The following B3GALT1 variants were observed in gnomAD, a reference collection of about 807,000 sequenced individuals.
B3GALT1 encodes the protein UDP-Gal:betaGlcNAc beta 1,3-galactosyltransferase, polypeptide 1.
B3GALT1 carries 10 observed loss-of-function variants against 23.2 expected under a neutral mutation model. That is an observed-to-expected ratio of 0.43 (90% confidence interval 0.27 to 0.73). B3GALT1 has a LOEUF of 0.73. B3GALT1 is among the 30% of genes least tolerant of loss of function. The probability of loss-of-function intolerance (pLI) is 0.21; values close to 1 mark genes in which losing one functional copy is unlikely to be tolerated. For missense variants in B3GALT1, 299 were observed against 405.4 expected, an observed-to-expected ratio of 0.74 and a Z score of 2.25; for synonymous variants, 156 against 141.5, an observed-to-expected ratio of 1.10 and a Z score of -0.73.
chr2:167,453,313 G>A (rs1022167592), intron 1 of B3GALT1, among the ~76,000 whole-genome samples: 16 of 152,120 alleles, frequency 1.1e-4, no homozygotes, highest in African/African-American at 3.9e-4. Flanking sequence ...CACTAAAGCA[G>A]GTAATCCCAC....
At chr2:167,399,117 A>T (rs928202706) in intron 1 of B3GALT1, among the ~76,000 whole-genome samples, 3 of 152,186 alleles carry the variant, frequency 2.0e-5, no homozygotes, top group African/African-American at 7.2e-5. Flanking sequence ...GATGCCTTGG[A>T]TAGCAGTGGT....
At chr2:167,754,530 A>G (rs1000334514) in intron 3 of B3GALT1, among the ~76,000 whole-genome samples, 8 of 152,206 alleles carry the variant, frequency 5.3e-5, no homozygotes, top group Admixed American at 3.9e-4. Context: ...TTTGAATCAG[A>G]TTTCACAGAA....
intron 1 of B3GALT1, among the ~76,000 whole-genome samples, chr2:167,388,169 AATG>A (rs1194769043): frequency 6.6e-6 from 1 of 152,192 alleles, no homozygotes; most frequent in Non-Finnish European, 1.5e-5. Flanking sequence ...GGAGATGTAA[AATG>A]ATGAGTGATA....
rs537394145 is a variant in B3GALT1 at position 167,479,275 on chromosome 2, T to C, written c.-510-10902T>C. 1.2e-4 allele frequency among the ~76,000 whole-genome samples: 18 copies of C among 152,266 alleles called. No homozygotes were observed. In the South Asian group the frequency reaches 3.5e-3, roughly 30 times the overall value. ...AGTTCCAACAAAATGTTCAGTAATA[T>C]TAGCATTTATTATTTTTATCTAGAT... On this transcript the variant is annotated intron_variant, in intron 1 of 4. Transcript: ENST00000392690.
chr2:167,361,413 G>GA (rs1026437736), intron 1 of B3GALT1, among the ~76,000 whole-genome samples: 5 of 152,038 alleles, frequency 3.3e-5, no homozygotes, highest in East Asian at 1.9e-4. Flanking sequence ...AATTATTACA[G>GA]AAAAAAATGT....
intron 1 of B3GALT1, among the ~76,000 whole-genome samples, chr2:167,421,953 A>C (rs548880933): frequency 6.6e-6 from 1 of 152,308 alleles, no homozygotes; most frequent in African/African-American, 2.4e-5. Context: ...TTATCACACA[A>C]AAAGGCAACC....
chr2:167,412,980 T>C (rs895215450), intron 1 of B3GALT1, among the ~76,000 whole-genome samples: 7 of 152,142 alleles, frequency 4.6e-5, no homozygotes, highest in African/African-American at 1.7e-4. Context: ...ATACATATTG[T>C]AATTCCATCT....
chr2:167,452,285 C>T (rs1185499052), intron 1 of B3GALT1, among the ~76,000 whole-genome samples: 1 of 152,122 alleles, frequency 6.6e-6, no homozygotes, highest in Non-Finnish European at 1.5e-5. Flanking sequence ...GGTCTTTTCC[C>T]AGTTCCTCTG....
At chr2:167,866,382 C>T (rs1188967109) in intron 4 of B3GALT1, among the ~76,000 whole-genome samples, 1 of 152,158 alleles carries the variant, frequency 6.6e-6, no homozygotes, top group Non-Finnish European at 1.5e-5. Flanking sequence ...TTACTTGAAA[C>T]CTTTCCTCCT....
intron 3 of B3GALT1, among the ~76,000 whole-genome samples, chr2:167,801,726 A>T (rs535789712): frequency 7.2e-5 from 11 of 152,350 alleles, no homozygotes; most frequent in East Asian, 3.9e-4. Context: ...GAGTTACCTG[A>T]ATGTCATGCC....
chr2:167,497,976 G>T (rs1362978259), intron 2 of B3GALT1, among the ~76,000 whole-genome samples: 3 of 151,854 alleles, frequency 2.0e-5, no homozygotes, highest in Non-Finnish European at 2.9e-5. Flanking sequence ...TCTGTCTTTG[G>T]TTAAAAAAAA....
chr2:167,666,262 G>C (rs942989670), intron 3 of B3GALT1, among the ~76,000 whole-genome samples: 1 of 152,198 alleles, frequency 6.6e-6, no homozygotes, highest in African/African-American at 2.4e-5. Context: ...GAGCGGTTTT[G>C]AGTGAGATTC....
chr2:167,446,779 G>A (rs1699002688), intron 1 of B3GALT1, among the ~76,000 whole-genome samples: 1 of 152,102 alleles, frequency 6.6e-6, no homozygotes, highest in African/African-American at 2.4e-5. Context: ...TCTTCTCACA[G>A]TTTTTAGCCT....
rs72878711 is a variant in B3GALT1 at position 167,783,273 on chromosome 2, G to A, written c.-351-35399G>A. On this transcript the variant is annotated intron_variant, in intron 3 of 4. Coordinates refer to ENST00000392690, the MANE Select transcript of B3GALT1 (RefSeq NM_020981.4). ...AAAAGAGTACACGGAGGGAAAAAAT[G>A]TCAAATGTTTGTGGCCCACATGAGG... Among the ~76,000 whole-genome samples, 503 of 152,164 alleles carry A rather than the reference G, an allele frequency of 3.3e-3. 2 individuals carry two copies. The highest frequency in any genetic ancestry group is 0.027 in the South Asian group (131 of 4,818).
intron 3 of B3GALT1, among the ~76,000 whole-genome samples, chr2:167,689,707 A>G (rs1384345769): frequency 6.6e-6 from 1 of 152,150 alleles, no homozygotes; most frequent in Non-Finnish European, 1.5e-5. Context: ...AGACAGGCAT[A>G]TGATCACCCA....
chr2:167,838,588 T>C (rs1689549210), intron 4 of B3GALT1, among the ~76,000 whole-genome samples: 3 of 152,284 alleles, frequency 2.0e-5, no homozygotes, highest in African/African-American at 7.2e-5. Flanking sequence ...AGCCGAATTC[T>C]ACCAGAGGTA....
intron 2 of B3GALT1, among the ~76,000 whole-genome samples, chr2:167,587,942 A>T (rs1558916423): frequency 6.6e-6 from 1 of 152,208 alleles, no homozygotes; most frequent in Non-Finnish European, 1.5e-5. Flanking sequence ...TAGCTTGTGG[A>T]GACAGAGAAA....
chr2:167,321,638 G>A (rs914713621), intron 1 of B3GALT1, among the ~76,000 whole-genome samples: 1 of 151,956 alleles, frequency 6.6e-6, no homozygotes, highest in Non-Finnish European at 1.5e-5. Flanking sequence ...CTCTACTTGT[G>A]CTGTCAAGAT....
intron 1 of B3GALT1, among the ~76,000 whole-genome samples, chr2:167,336,802 A>G (rs1276536036): frequency 6.6e-6 from 1 of 152,140 alleles, no homozygotes; most frequent in Admixed American, 6.6e-5. Flanking sequence ...TTGGCCTATA[A>G]TAACTTTTAC....
Sources: gnomAD v4.1 joint callset for allele counts (sites outside exome capture counted in the v4.1 genomes callset) on GRCh38, gnomAD v4.1.1 for gene constraint, MANE v1.5 for transcripts, NCBI Gene and HGNC (gene_info 2026-07-23, HGNC 2026-07-21) for gene names.